Variants in MTF1 observed in about 807,000 individuals in gnomAD.
The protein encoded by MTF1 is metal regulatory transcription factor 1, also known as MRE-binding transcription factor.
A neutral mutation model predicts 70.4 loss-of-function variants in MTF1; 22 were observed. The ratio of observed to expected loss-of-function variants is 0.31; its 90% CI spans 0.22 to 0.45. The LOEUF (loss-of-function observed/expected upper bound fraction) is 0.45. Ranked by LOEUF, MTF1 falls within the 20% of genes least tolerant of loss-of-function variation. The probability of loss-of-function intolerance (pLI) is 1.00; values close to 1 mark genes in which losing one functional copy is unlikely to be tolerated. For synonymous variants in MTF1, 333 were observed against 352.8 expected (o/e 0.94, Z 0.63); for missense variants, 649 against 922.0 (o/e 0.70, Z 3.83).
intron 2 of MTF1, among the ~76,000 whole-genome samples, chr1:37,852,017 TTC>T (rs1553149518): frequency 2.0e-5 from 3 of 152,002 alleles, no homozygotes; most frequent in Non-Finnish European, 2.9e-5. Flanking sequence ...AACTAAAGGC[TTC>T]TTCGGGGCTC....
At chr1:37,822,768 A>G in intron 8 of MTF1, 52 bp from the exon 9 acceptor site, 1 of 1,339,464 alleles carries the variant, frequency 7.5e-7, no homozygotes, top group Non-Finnish European at 1.0e-6. Flanking sequence ...GCCTTAGATG[A>G]GCCACAAAAA....
At chr1:37,835,299 G>T in intron 5 of MTF1, 84 bp from the exon 6 acceptor site, 1 of 1,203,982 alleles carries the variant, frequency 8.3e-7, no homozygotes, top group Non-Finnish European at 1.2e-6. Context: ...ATAGAGGTAA[G>T]TAAGTATTTT....
At chr1:37,820,938 G>A (rs1168968904) in intron 9 of MTF1, among the ~76,000 whole-genome samples, 1 of 152,192 alleles carries the variant, frequency 6.6e-6, no homozygotes, top group Non-Finnish European at 1.5e-5. Flanking sequence ...CAGCACTTTG[G>A]GAGACGGAGG....
intron 9 of MTF1, among the ~76,000 whole-genome samples, chr1:37,820,944 G>A (rs1000096267): frequency 1.3e-5 from 2 of 152,236 alleles, no homozygotes; most frequent in South Asian, 2.1e-4. Flanking sequence ...TTTGGGAGAC[G>A]GAGGCAGGCA....
chr1:37,811,443 A>G lies in MTF1; in HGVS notation c.*3693T>C, dbSNP rs1640734051. On this transcript the variant is annotated 3_prime_UTR_variant, in exon 11 of 11. Coordinates refer to ENST00000373036, the MANE Select transcript of MTF1 (RefSeq NM_005955.3). ...TAAGTGCTTTTCTTTTCACACCTCA[A>G]TTTAACTTTTTATTCTGAGCAAAAA... is the stretch of plus-strand genomic sequence containing the variant. 6.5e-6 allele frequency: 1 copy of G among 152,698 alleles called. No homozygotes were observed. Among genetic ancestry groups the G allele is most frequent in the South Asian group, 2.1e-4 (1 of 4,834 alleles). The allele number at this position is 152,698 out of a possible 1,614,324, so 9.5% of individuals were successfully genotyped here.
At position 37,835,130 on chromosome 1, in the gene MTF1, A is replaced by G; in HGVS notation, c.939T>C (p.His313=). 1 of 1,614,116 alleles carries G rather than the reference A, an allele frequency of 6.2e-7. No individual in the cohort carries two copies. Among genetic ancestry groups the G allele is most frequent in the Non-Finnish European group, 8.5e-7 (1 of 1,179,952 alleles). The change falls in exon 6 of 11, where the codon CAT becomes CAC. Residue 313 remains histidine (H), a synonymous_variant. Coordinates refer to ENST00000373036, the MANE Select transcript of MTF1 (RefSeq NM_005955.3). ...QYSLKSHMKG[H]DNKGHSYNAL... ...CATTGTATGAGTGTCCTTTGTTATC[A>G]TGACCTTTCATGTGACTTTTGAGAC...
At chr1:37,826,348 G>A (rs911100599) in intron 7 of MTF1, among the ~76,000 whole-genome samples, 5 of 152,062 alleles carry the variant, frequency 3.3e-5, no homozygotes, top group African/African-American at 7.2e-5. Flanking sequence ...GTGCAGAGGC[G>A]CAGTCAAGTC....
chr1:37,841,213 G>T, intron 2 of MTF1: 1 of 155,374 alleles, frequency 6.4e-6, no homozygotes, highest in South Asian at 1.7e-4. Context: ...ACATCGGTCT[G>T]GATGTTCAGT....
intron 4 of MTF1, among the ~76,000 whole-genome samples, chr1:37,837,773 T>C (rs1641192399): frequency 6.6e-6 from 1 of 152,238 alleles, no homozygotes; most frequent in Admixed American, 6.5e-5. Flanking sequence ...CCCAAATTGC[T>C]GGAATTACAG....
chr1:37,811,138 G>A lies in MTF1; in HGVS notation c.*3998C>T, dbSNP rs932565852. The A allele has an allele frequency of 2.0e-5, 3 of 152,656 alleles. No homozygotes were observed. The East Asian group carries it at 5.8e-4, about 29-fold the overall frequency. The allele number at this position is 152,656 out of a possible 1,614,324, so 9.5% of individuals were successfully genotyped here. ...GTTCCTTCCTTTCAGGCATCATTTT[G>A]TAATGGTGAAGAGGGAAAAGATGGC... On this transcript the variant is annotated 3_prime_UTR_variant, in exon 11 of 11. Coordinates refer to ENST00000373036, the MANE Select transcript of MTF1 (RefSeq NM_005955.3).
chr1:37,837,153 C>T (rs1338601533), intron 4 of MTF1, among the ~76,000 whole-genome samples: 1 of 152,144 alleles, frequency 6.6e-6, no homozygotes, highest in Non-Finnish European at 1.5e-5. Flanking sequence ...CTTGACCTCC[C>T]AGGCTCAAGC....
Position 37,839,822 on chromosome 1 carries a change from C to T in MTF1, c.647+98G>A, listed in dbSNP as rs146178422. The T allele has an allele frequency of 3.1e-4, 291 of 935,472 alleles. No individual in the cohort carries two copies. The African/African-American group carries it at 4.0e-3, about 13-fold the overall frequency. The allele number at this position is 935,472 out of a possible 1,614,324, so 57.9% of individuals were successfully genotyped here. A position where few individuals can be genotyped will look rare whatever the true frequency, so the allele number is the denominator to read the frequency against. Reference sequence around the variant, plus strand: ...GAACACAGCTGCGCTCTTTTAAAGCCCTGAAAGTGAAAACAACTCCTCTGC... The same window carrying T: ...GAACACAGCTGCGCTCTTTTAAAGCTCTGAAAGTGAAAACAACTCCTCTGC... On this transcript the variant is annotated intron_variant, in intron 3 of 10. Coordinates refer to ENST00000373036, the MANE Select transcript of MTF1 (RefSeq NM_005955.3).
chr1:37,838,345 A>G (rs1303610530), intron 4 of MTF1, among the ~76,000 whole-genome samples: 2 of 152,182 alleles, frequency 1.3e-5, no homozygotes, highest in African/African-American at 4.8e-5. Context: ...GCACTAATAA[A>G]AGTACCCACC....
chr1:37,850,998 G>A (rs1233439576), intron 2 of MTF1, among the ~76,000 whole-genome samples: 1 of 152,122 alleles, frequency 6.6e-6, no homozygotes, highest in Non-Finnish European at 1.5e-5. Flanking sequence ...AGAGCTAAAG[G>A]ATCATGAAGT....
In MTF1 at chr1:37,823,703, G is replaced by A. The variant is rs1364011000; in HGVS notation, c.1171+7C>T. 5.0e-6 allele frequency: 8 copies of A among 1,606,206 alleles called. No individual in the cohort carries two copies. Among genetic ancestry groups the A allele is most frequent in the Non-Finnish European group, 6.8e-6 (8 of 1,172,896 alleles). On this transcript the variant is annotated splice_region_variant and intron_variant, in intron 8 of 10. Transcript: ENST00000373036. ...AGATGTGAGTAGAAAGAGTCCGTGT[G>A]ACAAACCTGTCTGTTGAGGATCTTC... is the stretch of plus-strand genomic sequence containing the variant.
chr1:37,841,600 C>A (rs1641255661), intron 2 of MTF1: 1 of 179,378 alleles, frequency 5.6e-6, no homozygotes, highest in South Asian at 1.3e-4. Flanking sequence ...GTCTCCCCGT[C>A]AGGAATTCAC....
intron 4 of MTF1, 62 bp from the exon 5 acceptor site, chr1:37,835,806 C>CT (rs554128002): frequency 0.055 from 55,327 of 999,818 alleles, 218 homozygotes; most frequent in Non-Finnish European, 0.062. Context: ...TCCTGAACGT[C>CT]TTTTTTTTTT....
chr1:37,857,565 T>C lies in MTF1; in HGVS notation c.94A>G (p.Lys32Glu), dbSNP rs747369617. The change falls in exon 2 of 11, where the codon AAA becomes GAA. Residue 32 changes from lysine to glutamate, a missense_variant. Lys to Glu is a moderately conservative substitution (Grantham distance 56). This residue lies in a region of MTF1 where 34 missense variants were observed against 38.7 expected (regional missense o/e 0.88). Transcript: ENST00000373036. ...PDDKMLRFVD[K>E]NGLVPSSSGT... ...GATGAGGAAGGCACCAGTCCGTTTT[T>C]ATCCACAAACCTGAGCATTTTATCA... 9.9e-6 allele frequency: 16 copies of C among 1,614,128 alleles called. No homozygotes were observed. The highest frequency in any genetic ancestry group is 5.5e-5 in the South Asian group (5 of 91,090).
chr1:37,857,786 T>G, intron 1 of MTF1, 77 bp from the exon 2 acceptor site: 1 of 809,684 alleles, frequency 1.2e-6, no homozygotes, highest in Non-Finnish European at 1.9e-6. Flanking sequence ...AGGCTCATTT[T>G]CCCTCTCACT....
Sources: gnomAD v4.1 joint callset for allele counts (sites outside exome capture counted in the v4.1 genomes callset) on GRCh38, gnomAD v4.1.1 for gene constraint, gnomAD v4.1.1 regional missense constraint, MANE v1.5 for transcripts, NCBI Gene and HGNC (gene_info 2026-07-23, HGNC 2026-07-21) for gene names.